EXOC6B: variants seen among roughly 807,000 people sequenced by gnomAD.
The protein encoded by EXOC6B is exocyst complex component 6B.
Under a neutral mutation model 113.5 loss-of-function variants are expected in EXOC6B, and 54 were observed. That is an observed-to-expected ratio of 0.48 (90% CI 0.38 to 0.60). The LOEUF (loss-of-function observed/expected upper bound fraction) is 0.60. Ranked by LOEUF, EXOC6B falls within the 20% of genes least tolerant of loss-of-function variation. The probability of loss-of-function intolerance (pLI) is 0.00; values close to 1 mark genes in which losing one functional copy is unlikely to be tolerated. For missense variants in EXOC6B, 797 were observed against 977.5 expected (o/e 0.82, Z 2.46); for synonymous variants, 357 against 339.0 (o/e 1.05, Z -0.58).
chr2:72,387,493 T>G (rs1418088250), intron 18 of EXOC6B, among the ~76,000 whole-genome samples: 1 of 152,152 alleles, frequency 6.6e-6, no homozygotes, highest in Non-Finnish European at 1.5e-5. Flanking sequence ...AAATATAAAT[T>G]CAAATTCTTT....
chr2:72,533,337 CAG>C (rs1441826241), intron 8 of EXOC6B, among the ~76,000 whole-genome samples: 4 of 152,176 alleles, frequency 2.6e-5, no homozygotes, highest in Admixed American at 2.6e-4. Flanking sequence ...CATTGAAGAG[CAG>C]AGAGCACAGG....
rs1258176546 is a variant in EXOC6B, at chr2:72,288,122, T to TA, written c.2196+46824dup. 3.3e-5 allele frequency among the ~76,000 whole-genome samples: 5 copies of TA among 152,238 alleles called. No homozygotes were observed. In the South Asian group the frequency reaches 6.2e-4, roughly 19 times the overall value. On this transcript the variant is annotated intron_variant, in intron 20 of 21. Transcript: ENST00000272427. Reference sequence around the variant, plus strand: ...GTATTAGGGAAATAGAAAATAAACTTACAATGAGATACCATACACATTCAC... The same window carrying TA: ...GTATTAGGGAAATAGAAAATAAACTTAACAATGAGATACCATACACATTCAC...
intron 1 of EXOC6B, among the ~76,000 whole-genome samples, chr2:72,797,835 TTAA>T (rs532548422): frequency 0.027 from 4,062 of 151,168 alleles, 74 homozygotes; most frequent in Non-Finnish European, 0.039. Flanking sequence ...AATTAATTAA[TTAA>T]TAATAATAAT....
At chr2:72,183,303 G>A (rs1251583473) in intron 21 of EXOC6B, among the ~76,000 whole-genome samples, 3 of 152,138 alleles carry the variant, frequency 2.0e-5, no homozygotes, top group African/African-American at 7.2e-5. Flanking sequence ...TTTTTATATG[G>A]GTCTTGGTCT....
chr2:72,751,886 T>C (rs1293748593), intron 1 of EXOC6B, among the ~76,000 whole-genome samples: 1 of 152,096 alleles, frequency 6.6e-6, no homozygotes, highest in Non-Finnish European at 1.5e-5. Context: ...TAAAAAGACA[T>C]AAGCCTTACC....
chr2:72,532,864 C>T (rs1404268496), intron 8 of EXOC6B, among the ~76,000 whole-genome samples: 2 of 152,048 alleles, frequency 1.3e-5, no homozygotes, highest in African/African-American at 4.8e-5. Flanking sequence ...ACTCTGGCAT[C>T]TACCATTTGT....
At chr2:72,457,925 C>CA (rs1208643763) in intron 18 of EXOC6B, among the ~76,000 whole-genome samples, 1 of 152,116 alleles carries the variant, frequency 6.6e-6, no homozygotes, top group Non-Finnish European at 1.5e-5. Flanking sequence ...AATCTGCAAA[C>CA]AAACACACTC....
chr2:72,635,489 A>G (rs1485562759), intron 6 of EXOC6B, among the ~76,000 whole-genome samples: 2 of 152,186 alleles, frequency 1.3e-5, no homozygotes, highest in Admixed American at 6.5e-5. Flanking sequence ...CAAAAACTAC[A>G]AAGTACCACA....
At chr2:72,784,773 A>G (rs1684273239) in intron 1 of EXOC6B, among the ~76,000 whole-genome samples, 1 of 152,204 alleles carries the variant, frequency 6.6e-6, no homozygotes, top group African/African-American at 2.4e-5. Context: ...GGGTGGGGAC[A>G]CAGCCAAACC....
intron 20 of EXOC6B, among the ~76,000 whole-genome samples, chr2:72,317,103 GA>G (rs1362372482): frequency 1.3e-5 from 2 of 151,688 alleles, no homozygotes; most frequent in African/African-American, 4.8e-5. Flanking sequence ...ATGGGCAAGA[GA>G]GAGCTCTTAG....
chr2:72,789,357 TC>T (rs577907336), intron 1 of EXOC6B, among the ~76,000 whole-genome samples: 99 of 152,206 alleles, frequency 6.5e-4, no homozygotes, highest in African/African-American at 2.3e-3. Context: ...ACCTACTTCA[TC>T]CCCACCCTGA....
chr2:72,559,023 A>T (rs192490595), intron 8 of EXOC6B, among the ~76,000 whole-genome samples: 50 of 152,266 alleles, frequency 3.3e-4, no homozygotes, highest in Non-Finnish European at 1.5e-5. Flanking sequence ...ATTTCTTAGA[A>T]TATTATTAAC....
intron 19 of EXOC6B, among the ~76,000 whole-genome samples, chr2:72,358,825 T>TACAAA (rs913538242): frequency 2.6e-5 from 4 of 152,184 alleles, no homozygotes; most frequent in African/African-American, 9.7e-5. Context: ...TCCTTAAGAT[T>TACAAA]ACAACCACAT....
intron 19 of EXOC6B, among the ~76,000 whole-genome samples, chr2:72,349,976 A>G (rs375566132): frequency 9.2e-5 from 14 of 152,254 alleles, no homozygotes; most frequent in African/African-American, 2.6e-4. Context: ...TAGGATACTC[A>G]GTTGGTGTCA....
rs1248444871 is a variant in EXOC6B at position 72,379,763 on chromosome 2, T to C, written c.2088A>G (p.Leu696=). 2 of 1,613,166 alleles carry C rather than the reference T, an allele frequency of 1.2e-6. No individual in the cohort carries two copies. The highest frequency in any genetic ancestry group is 1.7e-6 in the Non-Finnish European group (2 of 1,179,546). ...AEVRQLTLGA[L]QQFNLDVREC... is the part of the protein sequence containing the mutation. ...CTCTGACGTCCAAGTTGAACTGCTG[T>C]AATGCTCCCAAGGTGAGCTGCCGCA... The change falls in exon 19 of 22, where the codon TTA becomes TTG. Residue 696 remains leucine, a synonymous_variant. Transcript: ENST00000272427.
intron 1 of EXOC6B, among the ~76,000 whole-genome samples, chr2:72,767,273 T>G (rs1289262393): frequency 1.3e-5 from 2 of 151,426 alleles, no homozygotes; most frequent in African/African-American, 4.9e-5. Context: ...CTACTAAAAA[T>G]ACAAAAAATT....
At chr2:72,793,431 G>T (rs1453356117) in intron 1 of EXOC6B, among the ~76,000 whole-genome samples, 1 of 152,148 alleles carries the variant, frequency 6.6e-6, no homozygotes, top group African/African-American at 2.4e-5. Context: ...ATCATGCATT[G>T]GTTCCAAATA....
chr2:72,689,264 A>C (rs1406660977), intron 6 of EXOC6B, among the ~76,000 whole-genome samples: 1 of 152,194 alleles, frequency 6.6e-6, no homozygotes. Context: ...TAGGCCCATT[A>C]ACCAGAGCAT....
At chr2:72,642,695 T>C (rs1673351309) in intron 6 of EXOC6B, among the ~76,000 whole-genome samples, 2 of 150,342 alleles carry the variant, frequency 1.3e-5, no homozygotes, top group Admixed American at 6.6e-5. Flanking sequence ...ATTCAGGACA[T>C]AGGCATGGGC....
Sources: allele counts gnomAD v4.1 joint callset (sites outside exome capture counted in the v4.1 genomes callset), GRCh38; gene constraint gnomAD v4.1.1; transcripts MANE v1.5; gene names NCBI Gene and HGNC (gene_info 2026-07-23, HGNC 2026-07-21).